TBC1D22A: variants seen among roughly 807,000 people sequenced by gnomAD.
The protein encoded by TBC1D22A is TBC1 domain family member 22A, also known as putative GTPase activator.
In TBC1D22A, 38 loss-of-function variants were observed where a neutral mutation model predicts 60.2. The ratio of observed to expected loss-of-function variants is 0.63; its 90% CI spans 0.49 to 0.83. The LOEUF is 0.83. Among genes scored for constraint, TBC1D22A ranks in the 40% least tolerant of loss-of-function variants. The pLI is 0.00. For synonymous variants in TBC1D22A, 302 were observed against 281.7 expected (o/e 1.07, Z -0.72); for missense variants, 628 against 701.0 (o/e 0.90, Z 1.18).
At chr22:47,057,321 C>T (rs2063428790) in intron 11 of TBC1D22A, among the ~76,000 whole-genome samples, 1 of 152,178 alleles carries the variant, frequency 6.6e-6, no homozygotes, top group South Asian at 2.1e-4. Flanking sequence ...GCCTCCCACC[C>T]CATGGTCCCT....
chr22:46,769,739 T>A (rs1447358381), intron 1 of TBC1D22A, among the ~76,000 whole-genome samples: 2 of 151,988 alleles, frequency 1.3e-5, no homozygotes, highest in Non-Finnish European at 2.9e-5. Context: ...GTTGAAGGGT[T>A]TTAAACAGGG....
At chr22:47,102,927 C>T (rs2065472988) in intron 11 of TBC1D22A, among the ~76,000 whole-genome samples, 1 of 152,166 alleles carries the variant, frequency 6.6e-6, no homozygotes, top group South Asian at 2.1e-4. Flanking sequence ...ATGCTAATTA[C>T]CAATCACGTG....
intron 8 of TBC1D22A, among the ~76,000 whole-genome samples, chr22:46,941,088 TGGGG>T (rs2071997923): frequency 7.8e-6 from 1 of 127,452 alleles, no homozygotes; most frequent in Non-Finnish European, 1.6e-5. Context: ...TTGAACAGCA[TGGGG>T]ACTGGGGCAC....
At chr22:47,172,125 T>A (rs139850161) in intron 12 of TBC1D22A, among the ~76,000 whole-genome samples, 57 of 137,050 alleles carry the variant, frequency 4.2e-4, no homozygotes, top group African/African-American at 1.4e-3. Context: ...GAGTGCCCAG[T>A]GAGCCCAGTG....
At chr22:46,951,473 G>A (rs1443335482) in intron 8 of TBC1D22A, among the ~76,000 whole-genome samples, 1 of 152,202 alleles carries the variant, frequency 6.6e-6, no homozygotes, top group Non-Finnish European at 1.5e-5. Flanking sequence ...GGGGCAGTGA[G>A]TACTGAAAAT....
chr22:47,032,114 C>A (rs1477018128), intron 10 of TBC1D22A, among the ~76,000 whole-genome samples: 1 of 152,342 alleles, frequency 6.6e-6, no homozygotes, highest in East Asian at 1.9e-4. Context: ...CACAGGTGGG[C>A]TGCTGCTGCT....
At chr22:46,789,941 C>T (rs188005442) in intron 1 of TBC1D22A, among the ~76,000 whole-genome samples, 1 of 152,248 alleles carries the variant, frequency 6.6e-6, no homozygotes, top group East Asian at 1.9e-4. Flanking sequence ...CAAGTGTCGT[C>T]CCCAAAGTGG....
At chr22:47,158,259 G>A (rs1002966093) in intron 12 of TBC1D22A, among the ~76,000 whole-genome samples, 3 of 152,230 alleles carry the variant, frequency 2.0e-5, no homozygotes, top group South Asian at 2.1e-4. Flanking sequence ...TCAGCTCTAC[G>A]TGACCCAGAC....
rs553598506 is a variant in TBC1D22A at position 47,047,753 on chromosome 22, G to A, written c.1329+10555G>A. ...CCCCATCCTGTGTGGAGGGTTCAGA[G>A]CTGGGGTCTTTCAGAGCCTGTCGGG... is the stretch of plus-strand genomic sequence containing the variant. On this transcript the variant is annotated intron_variant, in intron 11 of 12. Transcript: ENST00000337137. Among the ~76,000 whole-genome samples the A allele has an allele frequency of 3.9e-5, 6 of 152,372 alleles. No individual in the cohort carries two copies. The South Asian group carries it at 1.2e-3, about 32-fold the overall frequency.
chr22:47,111,483 C>T (rs758566676), intron 11 of TBC1D22A, 25 bp from the exon 12 acceptor site: 71 of 1,605,738 alleles, frequency 4.4e-5, no homozygotes, highest in African/African-American at 8.1e-5. Context: ...TACAATTTCT[C>T]TCTTGGTTAT....
In TBC1D22A at chr22:47,070,979, A is replaced by G. The variant is rs114056450; in HGVS notation, c.1329+33781A>G. Among the ~76,000 whole-genome samples the G allele has an allele frequency of 2.0e-3, 310 of 151,916 alleles. 2 individuals carry two copies. Among genetic ancestry groups the G allele is most frequent in the African/African-American group, 7.2e-3 (296 of 41,184 alleles). On this transcript the variant is annotated intron_variant, in intron 11 of 12. Coordinates refer to ENST00000337137, the MANE Select transcript of TBC1D22A (RefSeq NM_014346.5). ...TGTAAGTTGTTTCTGTTTCCCTGTT[A>G]TTTTGAATATACTTAAATGGCCCAA...
At chr22:47,022,950 A>G (rs898537461) in intron 10 of TBC1D22A, among the ~76,000 whole-genome samples, 2 of 152,272 alleles carry the variant, frequency 1.3e-5, no homozygotes, top group Non-Finnish European at 2.9e-5. Context: ...CAGGTTTCCA[A>G]CAAGATAAAA....
intron 8 of TBC1D22A, among the ~76,000 whole-genome samples, chr22:46,963,677 G>A (rs1321238133): frequency 6.6e-6 from 1 of 152,234 alleles, no homozygotes; most frequent in Non-Finnish European, 1.5e-5. Flanking sequence ...CCTTCTCCGG[G>A]CCCAGGTGCC....
chr22:47,160,928 C>G (rs568764385), intron 12 of TBC1D22A, among the ~76,000 whole-genome samples: 27 of 147,684 alleles, frequency 1.8e-4, no homozygotes, highest in Admixed American at 6.9e-4. Context: ...GTCTTCCACC[C>G]TCCTGCGGTT....
intron 7 of TBC1D22A, among the ~76,000 whole-genome samples, chr22:46,895,608 G>C (rs1302336926): frequency 6.6e-6 from 1 of 152,224 alleles, no homozygotes; most frequent in African/African-American, 2.4e-5. Flanking sequence ...CTGACCTCAA[G>C]TGATCTGCCC....
At chr22:47,043,817 T>G (rs1345153743) in intron 11 of TBC1D22A, among the ~76,000 whole-genome samples, 2 of 151,934 alleles carry the variant, frequency 1.3e-5, no homozygotes, top group Non-Finnish European at 2.9e-5. Flanking sequence ...CTATGTGAGG[T>G]GCAGTTGAGT....
intron 1 of TBC1D22A, among the ~76,000 whole-genome samples, chr22:46,766,241 C>T (rs987216171): frequency 6.6e-6 from 1 of 152,148 alleles, no homozygotes; most frequent in South Asian, 2.1e-4. Context: ...TTGTGATCCT[C>T]CTGCCTCGGT....
At chr22:47,062,548 A>G (rs11913663) in intron 11 of TBC1D22A, among the ~76,000 whole-genome samples, 148 of 152,214 alleles carry the variant, frequency 9.7e-4, no homozygotes, top group African/African-American at 3.1e-3. Context: ...AGTGATTTCT[A>G]CAGTGCATGG....
intron 2 of TBC1D22A, 120 bp from the exon 3 acceptor site, chr22:46,793,381 C>G (rs1236623602): frequency 1.4e-5 from 13 of 957,092 alleles, no homozygotes; most frequent in Non-Finnish European, 1.9e-5. Flanking sequence ...TTTTCACTCA[C>G]TATTGCTAGA....
Sources: allele counts gnomAD v4.1 joint callset (sites outside exome capture counted in the v4.1 genomes callset), GRCh38; gene constraint gnomAD v4.1.1; transcripts MANE v1.5; gene names NCBI Gene and HGNC (gene_info 2026-07-23, HGNC 2026-07-21).